The following SENP6 variants were observed in gnomAD, a reference collection of about 807,000 sequenced individuals.
The protein encoded by SENP6 is SUMO specific peptidase 6.
Under a neutral mutation model 134.5 loss-of-function variants are expected in SENP6, and 41 were observed. The observed-to-expected ratio is 0.30, with a 90% CI of 0.24 to 0.40. The LOEUF (loss-of-function observed/expected upper bound fraction) is 0.40, where lower values mean the gene tolerates loss of function less well. Among genes scored for constraint, SENP6 ranks in the 10% least tolerant of loss-of-function variants. SENP6 has a pLI of 1.00. For missense variants in SENP6, 1,248 were observed against 1,312.5 expected, an observed-to-expected ratio of 0.95 and a Z score of 0.76; for synonymous variants, 395 against 429.8, an observed-to-expected ratio of 0.92 and a Z score of 1.00.
At chr6:75,636,815 G>A (rs1769552984) in intron 5 of SENP6, among the ~76,000 whole-genome samples, 1 of 151,952 alleles carries the variant, frequency 6.6e-6, no homozygotes, top group Admixed American at 6.6e-5. Context: ...GACTTCAGGT[G>A]AGGGTAAACA....
intron 5 of SENP6, among the ~76,000 whole-genome samples, chr6:75,639,209 G>A (rs761792052): frequency 6.6e-6 from 1 of 152,210 alleles, no homozygotes; most frequent in East Asian, 1.9e-4. Context: ...ACATAGGATA[G>A]GACAGACTAG....
chr6:75,603,030 CT>C (rs1766756299), intron 1 of SENP6, among the ~76,000 whole-genome samples: 2 of 152,310 alleles, frequency 1.3e-5, no homozygotes, highest in South Asian at 4.1e-4. Flanking sequence ...ACCCTCTGGT[CT>C]GTTTCTCAGA....
chr6:75,648,261 A>G (rs1582760701), intron 7 of SENP6, among the ~76,000 whole-genome samples: 1 of 152,220 alleles, frequency 6.6e-6, no homozygotes, highest in South Asian at 2.1e-4. Flanking sequence ...ATTTATATTC[A>G]TATTGAAATA....
rs1776093220 is a variant in SENP6 at position 75,718,268 on chromosome 6, AT to A, written c.*2678del. ...ACTGAACAGGAATAATAAAGAACAT[AT>A]TTTAATATATAATATGACCAAGAGT... On this transcript the variant is annotated 3_prime_UTR_variant, in exon 24 of 24. Transcript: ENST00000447266. 6.6e-6 allele frequency: 1 copy of A among 152,202 alleles called. No individual in the cohort carries two copies. Among genetic ancestry groups the A allele is most frequent in the Non-Finnish European group, 1.5e-5 (1 of 68,026 alleles). 9.4% of individuals were successfully genotyped at this position (152,202 alleles called of 1,614,324 possible). A position where few individuals can be genotyped will look rare whatever the true frequency, so the allele number is the denominator to read the frequency against.
chr6:75,636,062 G>A lies in SENP6; in HGVS notation c.458+1251G>A, dbSNP rs180951199. On this transcript the variant is annotated intron_variant, in intron 5 of 23. Transcript: ENST00000447266. ...TGGTAATGTTAAAAAAAAACAACCC[G>A]TTAATAGTCTGGAAATTGGGTTGCG... Among the ~76,000 whole-genome samples the A allele has an allele frequency of 6.2e-4, 94 of 151,812 alleles. No individual in the cohort carries two copies. The East Asian group carries it at 0.014, about 22-fold the overall frequency.
intron 7 of SENP6, among the ~76,000 whole-genome samples, chr6:75,648,539 A>G (rs895715343): frequency 2.0e-5 from 3 of 152,112 alleles, no homozygotes; most frequent in African/African-American, 7.2e-5. Context: ...CTTTGGGTGA[A>G]AATCTTTTGT....
At chr6:75,695,606 G>A (rs1774607998) in intron 16 of SENP6, among the ~76,000 whole-genome samples, 198 bp from the exon 17 acceptor site, 1 of 152,150 alleles carries the variant, frequency 6.6e-6, no homozygotes, top group African/African-American at 2.4e-5. Flanking sequence ...GCGTGGTGGT[G>A]TGTGCCTGTA....
rs759982791 is a variant in SENP6 at position 75,647,794 on chromosome 6, A to G, written c.543A>G (p.Gln181=). The G allele has an allele frequency of 4.3e-6, 7 of 1,612,108 alleles. No individual in the cohort carries two copies. Among genetic ancestry groups the G allele is most frequent in the Non-Finnish European group, 5.9e-6 (7 of 1,178,648 alleles). The part of the protein sequence containing the change: ...EINPVRLSRL[Q]GVERIMKKTE... ...ATCCTGTAAGGTTAAGTCGGCTCCAAGGTGTTGGTAAGTGTGCAGTTTTGT... is the reference window on the plus strand; with the variant it reads ...ATCCTGTAAGGTTAAGTCGGCTCCAGGGTGTTGGTAAGTGTGCAGTTTTGT... The change falls in exon 7 of 24, where the codon CAA becomes CAG. Residue 181 remains glutamine, a synonymous_variant. Transcript: ENST00000447266.
intron 21 of SENP6, among the ~76,000 whole-genome samples, chr6:75,713,064 G>C (rs1029734475): frequency 1.3e-5 from 2 of 151,358 alleles, no homozygotes; most frequent in Admixed American, 1.3e-4. Context: ...CTGTTATTAC[G>C]CTGCTTCACA....
intron 3 of SENP6, among the ~76,000 whole-genome samples, chr6:75,625,172 C>T (rs973814717): frequency 5.4e-5 from 7 of 130,094 alleles, no homozygotes; most frequent in African/African-American, 8.7e-5. Flanking sequence ...AGTGCAGTGG[C>T]GCAATCTCAG....
At chr6:75,663,070 G>A (rs1771905030) in intron 8 of SENP6, 151 bp from the exon 9 acceptor site, 1 of 647,882 alleles carries the variant, frequency 1.5e-6, no homozygotes, top group Non-Finnish European at 2.6e-6. Context: ...ACTTTGAGGG[G>A]ATTCCTTAAT....
intron 1 of SENP6, among the ~76,000 whole-genome samples, chr6:75,604,598 CA>C (rs1390006396): frequency 6.7e-6 from 1 of 150,080 alleles, no homozygotes; most frequent in African/African-American, 2.5e-5. Context: ...GCACTCCAGC[CA>C]GGGCAACTGA....
chr6:75,605,536 GA>G (rs1766965242), intron 1 of SENP6, among the ~76,000 whole-genome samples: 1 of 152,166 alleles, frequency 6.6e-6, no homozygotes, highest in Admixed American at 6.5e-5. Flanking sequence ...TTGAAGTCAA[GA>G]AAGGCATCCC....
intron 16 of SENP6, among the ~76,000 whole-genome samples, chr6:75,681,085 G>T (rs1773431915): frequency 6.6e-6 from 1 of 152,140 alleles, no homozygotes; most frequent in African/African-American, 2.4e-5. Context: ...AGAATTATTT[G>T]ACAAAGATTT....
chr6:75,692,918 A>T (rs568615741), intron 16 of SENP6, among the ~76,000 whole-genome samples: 9 of 152,194 alleles, frequency 5.9e-5, no homozygotes, highest in African/African-American at 2.2e-4. Context: ...AAAAAAAAAC[A>T]AAGTTAGCCA....
intron 1 of SENP6, among the ~76,000 whole-genome samples, chr6:75,617,974 A>G (rs918322808): frequency 1.3e-5 from 2 of 152,238 alleles, no homozygotes; most frequent in African/African-American, 4.8e-5. Flanking sequence ...AAAGGATCAC[A>G]GTGCTGAAGT....
chr6:75,638,582 GTGTGTGTGTATATATATA>G (rs1310472443), intron 5 of SENP6, among the ~76,000 whole-genome samples: 29 of 29,356 alleles, frequency 9.9e-4, no homozygotes, highest in Middle Eastern at 0.021. Context: ...GTGTGTGTGT[GTGTGTGTGTATATATATA>G]TATATATATA....
Position 75,666,818 on chromosome 6 carries a change from T to C in SENP6, c.1101T>C (p.Thr367=), listed in dbSNP as rs754400144. The C allele has an allele frequency of 6.2e-7, 1 of 1,613,768 alleles. No individual in the cohort carries two copies. The highest frequency in any genetic ancestry group is 8.5e-7 in the Non-Finnish European group (1 of 1,179,690). Residue 367 remains threonine (T), a synonymous_variant, in exon 10 of 24, where the codon ACT becomes ACC. Transcript: ENST00000447266. ...DSACSSPAPS[T]GKVEAALNEN... ...CATGTTCTTCCCCTGCACCATCCAC[T>C]GGAAAAGTAGAAGCAGCGCTAAATG... is the stretch of plus-strand genomic sequence containing the variant.
intron 16 of SENP6, among the ~76,000 whole-genome samples, chr6:75,683,248 T>TG (rs1255686684): frequency 1.3e-5 from 2 of 152,110 alleles, no homozygotes; most frequent in African/African-American, 4.8e-5. Flanking sequence ...CATTTTTTGA[T>TG]GGGGTTTTTT....
Sources: allele counts gnomAD v4.1 joint callset (sites outside exome capture counted in the v4.1 genomes callset), GRCh38; gene constraint gnomAD v4.1.1; transcripts MANE v1.5; gene names NCBI Gene and HGNC (gene_info 2026-07-23, HGNC 2026-07-21).